Variants in POU6F2 observed in about 807,000 individuals in gnomAD.
POU6F2 encodes POU domain, class 6, transcription factor 2.
In POU6F2, 31 loss-of-function variants were observed where a neutral mutation model predicts 71.3. That is an observed-to-expected ratio of 0.43 (90% confidence interval 0.33 to 0.59). POU6F2 has a LOEUF of 0.59. Among genes scored for constraint, POU6F2 ranks in the 20% least tolerant of loss-of-function variants. The pLI is 0.04. For missense variants in POU6F2, 783 were observed against 856.8 expected (o/e 0.91, Z 1.07); for synonymous variants, 347 against 355.7 (o/e 0.98, Z 0.27).
intron 2 of POU6F2, among the ~76,000 whole-genome samples, chr7:39,169,505 T>C (rs1793174131): frequency 6.6e-6 from 1 of 152,224 alleles, no homozygotes; most frequent in African/African-American, 2.4e-5. Context: ...ACACACTCAT[T>C]GCAGTGAATA....
chr7:39,277,754 C>G (rs1009462195), intron 4 of POU6F2, among the ~76,000 whole-genome samples: 1 of 151,984 alleles, frequency 6.6e-6, no homozygotes, highest in African/African-American at 2.4e-5. Flanking sequence ...TGGAGCCAAG[C>G]TGCCCTATAG....
intron 4 of POU6F2, among the ~76,000 whole-genome samples, chr7:39,278,731 T>C (rs1784506838): frequency 6.6e-6 from 1 of 152,154 alleles, no homozygotes; most frequent in Admixed American, 6.5e-5. Context: ...CTCTTCACGC[T>C]GGCATACAGG....
intron 2 of POU6F2, among the ~76,000 whole-genome samples, chr7:39,114,663 G>T (rs1390872298): frequency 1.3e-5 from 2 of 152,000 alleles, no homozygotes; most frequent in Non-Finnish European, 2.9e-5. Context: ...ATTGCCATTG[G>T]TCAGGTGCCA....
At chr7:39,399,803 T>C (rs1787256140) in intron 5 of POU6F2, among the ~76,000 whole-genome samples, 1 of 151,176 alleles carries the variant, frequency 6.6e-6, no homozygotes, top group African/African-American at 2.4e-5. Flanking sequence ...TGAATTAGGA[T>C]TGGACCACAG....
Position 39,178,056 on chromosome 7 carries a change from C to A in POU6F2, c.278-26179C>A, listed in dbSNP as rs186531153. Among the ~76,000 whole-genome samples, 425 of 152,252 alleles carry A rather than the reference C, an allele frequency of 2.8e-3. 1 individual carries two copies. The highest frequency in any genetic ancestry group is 6.0e-3 in the South Asian group (29 of 4,820). ...GGATCACAAGGTCAGGAGTTGAAGA[C>A]CAGCCTGGCCAAGACGGTGAACCAC... On this transcript the variant is annotated intron_variant, in intron 2 of 9. Transcript: ENST00000518318.
At chr7:39,221,025 A>T (rs1304225709) in intron 4 of POU6F2, among the ~76,000 whole-genome samples, 1 of 152,196 alleles carries the variant, frequency 6.6e-6, no homozygotes, top group African/African-American at 2.4e-5. Context: ...TGAGTTAAAT[A>T]CAATATCTTA....
intron 5 of POU6F2, among the ~76,000 whole-genome samples, chr7:39,390,994 C>T (rs1259881267): frequency 6.6e-6 from 1 of 152,130 alleles, no homozygotes; most frequent in Admixed American, 6.5e-5. Flanking sequence ...AACCCTGGGA[C>T]TAGGGTCCCA....
At chr7:39,418,384 C>G (rs138059946) in intron 6 of POU6F2, among the ~76,000 whole-genome samples, 16 of 152,256 alleles carry the variant, frequency 1.1e-4, no homozygotes, top group Non-Finnish European at 2.1e-4. Flanking sequence ...AGCTGAGGAA[C>G]TGAAGGCTCA....
intron 4 of POU6F2, among the ~76,000 whole-genome samples, chr7:39,218,580 C>G (rs1794288298): frequency 6.6e-6 from 1 of 152,066 alleles, no homozygotes; most frequent in Non-Finnish European, 1.5e-5. Context: ...ATTGGTTGAT[C>G]GATTTCACAA....
chr7:39,381,677 A>G (rs1365543525), intron 5 of POU6F2, among the ~76,000 whole-genome samples: 1 of 152,210 alleles, frequency 6.6e-6, no homozygotes, highest in Non-Finnish European at 1.5e-5. Context: ...GAGTTGCAAA[A>G]GACTGATTTG....
Position 39,460,465 on chromosome 7 carries a change from A to T in POU6F2, c.1490-82A>T. ...CACTGCTCTGCTGTTAAAGAGAGCC[A>T]CTTTCTTATAAACCGTAATAAACAG... On this transcript the variant is annotated intron_variant, in intron 8 of 9. Transcript: ENST00000518318. This position sits in a 1 kb window ranked among gnomAD's most constrained non-coding sequence, Gnocchi z 4.4. The T allele has an allele frequency of 6.7e-7, 1 of 1,496,566 alleles. No individual in the cohort carries two copies. The highest frequency in any genetic ancestry group is 9.1e-7 in the Non-Finnish European group (1 of 1,097,374). The allele number at this position is 1,496,566 out of a possible 1,614,324, so 92.7% of individuals were successfully genotyped here.
At chr7:39,122,433 A>G (rs1223087524) in intron 2 of POU6F2, among the ~76,000 whole-genome samples, 2 of 152,246 alleles carry the variant, frequency 1.3e-5, no homozygotes, top group African/African-American at 2.4e-5. Flanking sequence ...GGGCATGTTC[A>G]TAGGCCACCG....
rs182737625 is a variant in POU6F2 at position 39,340,044 on chromosome 7, C to T, written c.972+29C>T. The T allele has an allele frequency of 4.2e-5, 66 of 1,569,782 alleles. No homozygotes were observed. The African/African-American group carries it at 7.8e-4, about 19-fold the overall frequency. ...TGCTCCCCGTGCTTCCCGTCTGCCC[C>T]TAGGAGCACCAAGGACCTTTCCATG... On this transcript the variant is annotated intron_variant, in intron 5 of 9. Transcript: ENST00000518318.
At chr7:39,189,971 A>G (rs895095100) in intron 2 of POU6F2, among the ~76,000 whole-genome samples, 4 of 151,128 alleles carry the variant, frequency 2.6e-5, no homozygotes, top group Non-Finnish European at 5.9e-5. Context: ...ATAGCTCACC[A>G]AAGCCCCGAC....
chr7:39,021,259 A>T (rs1036347467), intron 1 of POU6F2, among the ~76,000 whole-genome samples: 22 of 151,944 alleles, frequency 1.4e-4, no homozygotes, highest in Non-Finnish European at 2.5e-4. Context: ...TTCCTTTGCT[A>T]TCTTTCTTTG....
At chr7:39,357,987 T>C (rs935864888) in intron 5 of POU6F2, among the ~76,000 whole-genome samples, 1 of 151,712 alleles carries the variant, frequency 6.6e-6, no homozygotes, top group Admixed American at 6.6e-5. Context: ...AGAGAGAGAG[T>C]GAGCTAGGAG....
chr7:39,229,022 C>T (rs1189097897), intron 4 of POU6F2, among the ~76,000 whole-genome samples: 1 of 152,164 alleles, frequency 6.6e-6, no homozygotes, highest in Non-Finnish European at 1.5e-5. Flanking sequence ...ATCAGATAGC[C>T]ATCTCCATAG....
At chr7:39,091,237 C>T (rs763728533) in intron 2 of POU6F2, among the ~76,000 whole-genome samples, 1 of 152,132 alleles carries the variant, frequency 6.6e-6, no homozygotes, top group Non-Finnish European at 1.5e-5. Flanking sequence ...TTTCTAAGTG[C>T]ACTTCAATGG....
chr7:39,115,516 T>C (rs1378853305), intron 2 of POU6F2, among the ~76,000 whole-genome samples: 1 of 152,142 alleles, frequency 6.6e-6, no homozygotes, highest in Non-Finnish European at 1.5e-5. Flanking sequence ...TCACATGAAG[T>C]TCCTTATGGC....
Sources: allele counts gnomAD v4.1 joint callset (sites outside exome capture counted in the v4.1 genomes callset), GRCh38; gene constraint gnomAD v4.1.1; non-coding constraint Gnocchi (gnomAD v3.1); transcripts MANE v1.5; gene names NCBI Gene and HGNC (gene_info 2026-07-23, HGNC 2026-07-21).